The following ABCA10 variants were observed in gnomAD, a reference collection of about 807,000 sequenced individuals.
The protein encoded by ABCA10 is ATP-binding cassette sub-family A member 10.
Under a neutral mutation model 187.5 loss-of-function variants are expected in ABCA10, and 169 were observed. The ratio of observed to expected loss-of-function variants is 0.90; its 90% CI spans 0.80 to 1.02. ABCA10 has a LOEUF of 1.02. Ranked by LOEUF, ABCA10 falls within the 50% of genes least tolerant of loss-of-function variation. ABCA10 has a pLI of 0.00. For synonymous variants in ABCA10, 574 were observed against 601.8 expected (o/e 0.95, Z 0.68); for missense variants, 1,727 against 1,812.4 (o/e 0.95, Z 0.86).
At chr17:69,244,183 G>A (rs1388739155) in intron 1 of ABCA10, 2 of 151,930 alleles carry the variant, frequency 1.3e-5, no homozygotes, top group Admixed American at 1.3e-4. Context: ...ATACATTCAA[G>A]ACAAAAAGAT....
rs376010627 is a variant in ABCA10 at position 69,197,126 on chromosome 17, AAAG to A, written c.1176-7_1176-5del. ...TTCTTTTATAACATTTCTGATTCTGAAAGAAGATGAAGTAATTTTCATGTAAAT... is the reference window on the plus strand; with the variant it reads ...TTCTTTTATAACATTTCTGATTCTGAAAGATGAAGTAATTTTCATGTAAAT... On this transcript the variant is annotated splice_polypyrimidine_tract_variant and splice_region_variant and intron_variant, in intron 10 of 38. Coordinates refer to ENST00000690296, the MANE Select transcript of ABCA10 (RefSeq NM_001377321.1). The A allele has an allele frequency of 3.4e-5, 53 of 1,577,644 alleles. 1 individual carries two copies. In the South Asian group the frequency reaches 4.4e-4, roughly 13 times the overall value.
chr17:69,177,006 C>T (rs1337195631), intron 22 of ABCA10, among the ~76,000 whole-genome samples: 2 of 152,102 alleles, frequency 1.3e-5, no homozygotes, highest in Non-Finnish European at 2.9e-5. Flanking sequence ...CTTTTCTTTG[C>T]TCCCCCATCT....
At chr17:69,180,194 A>G (rs763775623) in intron 22 of ABCA10, among the ~76,000 whole-genome samples, 4 of 152,210 alleles carry the variant, frequency 2.6e-5, no homozygotes, top group Non-Finnish European at 5.9e-5. Context: ...ATCTGCTTGC[A>G]GTTCCCATCT....
At chr17:69,181,159 A>G (rs2074377993) in intron 22 of ABCA10, among the ~76,000 whole-genome samples, 1 of 152,156 alleles carries the variant, frequency 6.6e-6, no homozygotes, top group South Asian at 2.1e-4. Flanking sequence ...GTATACATAC[A>G]TACACACTCT....
Position 69,201,518 on chromosome 17 carries a change from T to A in ABCA10, c.1157A>T (p.His386Leu). The A allele has an allele frequency of 6.3e-7, 1 of 1,590,128 alleles. No individual in the cohort carries two copies. The highest frequency in any genetic ancestry group is 8.5e-7 in the Non-Finnish European group (1 of 1,172,372). The change falls in exon 10 of 39, where the codon CAT (histidine) becomes CTT (leucine). Residue 386 changes from histidine (H) to leucine (L), a missense_variant. Coordinates refer to ENST00000690296, the MANE Select transcript of ABCA10 (RefSeq NM_001377321.1). ...DSFEPVSPEF[H>L]GKEAIRIRNV... ...TAGTTACCTTATGGCTTCTTTTCCA[T>A]GGAATTCTGGAGACACCGGTTCAAA...
intron 19 of ABCA10, among the ~76,000 whole-genome samples, chr17:69,187,369 G>A (rs2074429832): frequency 6.6e-6 from 1 of 151,980 alleles, no homozygotes; most frequent in South Asian, 2.1e-4. Context: ...CTAATCCCAG[G>A]ACCCACCCCC....
In ABCA10 at chr17:69,153,504, A is replaced by G. The variant is rs1450391779; in HGVS notation, c.4008T>C (p.Pro1336=). The change falls in exon 33 of 39, where the codon CCT becomes CCC. Residue 1336 remains proline (P), a synonymous_variant. Coordinates refer to ENST00000690296, the MANE Select transcript of ABCA10 (RefSeq NM_001377321.1). ...TTATTCCCTCTGATAGAGTTTTCAC[A>G]GGAGCCTTAAGTTGTTCCTGGAGCT... The part of the protein sequence containing the change: ...ALKLQEQLKA[P]VKTLSEGIKR... 64 of 1,614,068 alleles carry G rather than the reference A, an allele frequency of 4.0e-5. 1 individual carries two copies. In the East Asian group the frequency reaches 1.4e-3, roughly 35 times the overall value.
chr17:69,185,737 T>C (rs1390207501), intron 19 of ABCA10, 94 bp from the exon 20 acceptor site: 2 of 972,598 alleles, frequency 2.1e-6, no homozygotes, highest in African/African-American at 3.2e-5. Flanking sequence ...CTATGGAAAG[T>C]CCACATGCAT....
At chr17:69,213,204 AG>A (rs2074673625) in intron 9 of ABCA10, among the ~76,000 whole-genome samples, 1 of 152,160 alleles carries the variant, frequency 6.6e-6, no homozygotes, top group Non-Finnish European at 1.5e-5. Context: ...CAGCTGCTGT[AG>A]CGCCCTACAG....
chr17:69,167,680 A>C (rs890343862), intron 25 of ABCA10, among the ~76,000 whole-genome samples: 1 of 152,174 alleles, frequency 6.6e-6, no homozygotes, highest in Non-Finnish European at 1.5e-5. Context: ...ATGTAGAAGA[A>C]GCAGTGCCAG....
chr17:69,216,428 G>T, intron 6 of ABCA10, 70 bp from the exon 7 acceptor site: 1 of 1,497,154 alleles, frequency 6.7e-7, no homozygotes, highest in South Asian at 1.4e-5. Context: ...TGTGCGAAAT[G>T]GTTAAGAGTA....
chr17:69,213,475 C>A (rs1219975097), intron 9 of ABCA10, among the ~76,000 whole-genome samples: 2 of 152,178 alleles, frequency 1.3e-5, no homozygotes, highest in African/African-American at 4.8e-5. Context: ...GCTACTTCTG[C>A]TGCATCATAC....
intron 9 of ABCA10, among the ~76,000 whole-genome samples, chr17:69,203,002 T>C (rs2074559652): frequency 6.6e-6 from 1 of 152,110 alleles, no homozygotes; most frequent in South Asian, 2.1e-4. Context: ...TGTAGGGGGA[T>C]GGAGCTGAGC....
chr17:69,191,085 C>A, intron 17 of ABCA10, 91 bp downstream of exon 17: 1 of 1,190,982 alleles, frequency 8.4e-7, no homozygotes, highest in Non-Finnish European at 1.1e-6. Context: ...TTTGTATAAG[C>A]TTTAGAACTC....
At chr17:69,194,816 T>C (rs946790038) in intron 11 of ABCA10, among the ~76,000 whole-genome samples, 48 of 152,208 alleles carry the variant, frequency 3.2e-4, no homozygotes, top group African/African-American at 1.1e-3. Context: ...CGTAGTTTAT[T>C]TGCTTCCTAG....
chr17:69,151,757 T>C (rs2074129781), intron 36 of ABCA10, among the ~76,000 whole-genome samples: 1 of 152,176 alleles, frequency 6.6e-6, no homozygotes, highest in Non-Finnish European at 1.5e-5. Context: ...AAAAAGTTGA[T>C]AGTTTAATTT....
In ABCA10 at chr17:69,216,373, A is replaced by G; in HGVS notation, c.531-15T>C. On this transcript the variant is annotated splice_polypyrimidine_tract_variant and intron_variant, in intron 6 of 38. Coordinates refer to ENST00000690296, the MANE Select transcript of ABCA10 (RefSeq NM_001377321.1). ...CCCAGGAGAGCCTATAGTAGAAACA[A>G]GGTGTTAGTTCAACTGTCACAAACA... The G allele has an allele frequency of 1.9e-6, 3 of 1,603,364 alleles. No individual in the cohort carries two copies. Among genetic ancestry groups the G allele is most frequent in the Non-Finnish European group, 2.6e-6 (3 of 1,175,600 alleles).
upstream of ABCA10, among the ~76,000 whole-genome samples, chr17:69,232,637 A>G (rs1260271250): frequency 6.6e-6 from 1 of 152,126 alleles, no homozygotes; most frequent in African/African-American, 2.4e-5. Context: ...CATACTAACG[A>G]TATAAGTGGT....
rs138716621 is a variant in ABCA10, at chr17:69,164,966, G to A, written c.3280C>T (p.Gln1094Ter). 6.2e-7 allele frequency: 1 copy of A among 1,612,618 alleles called. No individual in the cohort carries two copies. Among genetic ancestry groups the A allele is most frequent in the Admixed American group, 1.7e-5 (1 of 59,948 alleles). ...ACACAGTAGGTAACACTGCTTACCT[G>A]GATCAATAACATGACATACCCCAGC... is the stretch of plus-strand genomic sequence containing the variant. ...TLLGYVMLLI[Q>*]LDFMRNLDSL... is the part of the protein sequence containing the mutation. The change falls in exon 26 of 39, where the codon CAG (glutamine) becomes TAG (stop). Residue 1094 changes from glutamine (Q) to a stop codon, truncating the protein, a stop_gained and splice_region_variant. Transcript: ENST00000690296. LOFTEE classifies it high-confidence loss of function.
Sources: gnomAD v4.1 joint callset for allele counts (sites outside exome capture counted in the v4.1 genomes callset) on GRCh38, gnomAD v4.1.1 for gene constraint, MANE v1.5 for transcripts, NCBI Gene and HGNC (gene_info 2026-07-23, HGNC 2026-07-21) for gene names.